The following CLMN variants were observed in gnomAD, a reference collection of about 807,000 sequenced individuals.
CLMN encodes calmin (calponin-like, transmembrane).
In CLMN, 57 loss-of-function variants were observed where a neutral mutation model predicts 92.7. The observed-to-expected ratio is 0.61, with a 90% CI of 0.50 to 0.77. The LOEUF is 0.77. Ranked by LOEUF, CLMN falls within the 30% of genes least tolerant of loss-of-function variation. The pLI, the probability that CLMN is intolerant of heterozygous loss-of-function variation, is 0.00. For missense variants in CLMN, 1,158 were observed against 1,237.5 expected (o/e 0.94, Z 0.96); for synonymous variants, 466 against 470.6 (o/e 0.99, Z 0.13).
At chr14:95,224,320 G>A (rs1276718032) in intron 2 of CLMN, among the ~76,000 whole-genome samples, 1 of 151,790 alleles carries the variant, frequency 6.6e-6, no homozygotes, top group Non-Finnish European at 1.5e-5. Flanking sequence ...ACGCTCTGTC[G>A]CCCAGGCTTA....
At chr14:95,243,581 G>T (rs1898341438) in intron 1 of CLMN, among the ~76,000 whole-genome samples, 1 of 151,428 alleles carries the variant, frequency 6.6e-6, no homozygotes, top group Non-Finnish European at 1.5e-5. Flanking sequence ...TTTGTTTGAA[G>T]AATCCAGGGG....
intron 1 of CLMN, among the ~76,000 whole-genome samples, chr14:95,266,399 T>C (rs758475812): frequency 1.3e-5 from 2 of 152,356 alleles, no homozygotes; most frequent in Non-Finnish European, 2.9e-5. Flanking sequence ...AGCATTTATA[T>C]GACGAAAGCA....
At chr14:95,260,602 G>A (rs1039199116) in intron 1 of CLMN, 7 of 152,310 alleles carry the variant, frequency 4.6e-5, no homozygotes, top group Middle Eastern at 6.8e-3. Context: ...ATAACAGAAG[G>A]CTTGTGGGAA....
At chr14:95,276,691 G>A (rs1401574610) in intron 1 of CLMN, among the ~76,000 whole-genome samples, 1 of 152,126 alleles carries the variant, frequency 6.6e-6, no homozygotes, top group Non-Finnish European at 1.5e-5. Flanking sequence ...ACCACATGTT[G>A]AAACTCCTGG....
intron 1 of CLMN, among the ~76,000 whole-genome samples, chr14:95,280,945 C>T (rs1414565919): frequency 5.3e-5 from 8 of 152,190 alleles, no homozygotes; most frequent in African/African-American, 1.9e-4. Context: ...TTGTCATCCA[C>T]AGACAATTGT....
At chr14:95,307,315 G>A (rs1291817294) in intron 1 of CLMN, among the ~76,000 whole-genome samples, 1 of 152,186 alleles carries the variant, frequency 6.6e-6, no homozygotes, top group South Asian at 2.1e-4. Flanking sequence ...TCACAGGGGT[G>A]GCCAGGGCAG....
intron 9 of CLMN, among the ~76,000 whole-genome samples, chr14:95,199,802 T>G (rs932918989): frequency 1.3e-5 from 2 of 150,962 alleles, no homozygotes; most frequent in African/African-American, 2.4e-5. Flanking sequence ...CTTGCCCAGA[T>G]GGTGGGACCA....
In CLMN at chr14:95,294,734, T is replaced by C. The variant is rs1353508726; in HGVS notation, c.82+24977A>G. ...GTCCTGGGGGCAGGTCCTCCACAGG[T>C]TGTGTCACTGGGCACCTGGTCTTCT... On this transcript the variant is annotated intron_variant, in intron 1 of 12. Transcript: ENST00000298912. The surrounding 1 kb of genome is among the most constrained non-coding windows in gnomAD (Gnocchi z 4.2). Among the ~76,000 whole-genome samples, 1 of 152,210 alleles carries C rather than the reference T, an allele frequency of 6.6e-6. No individual in the cohort carries two copies. Among genetic ancestry groups the C allele is most frequent in the Non-Finnish European group, 1.5e-5 (1 of 68,038 alleles).
intron 1 of CLMN, among the ~76,000 whole-genome samples, chr14:95,245,238 T>TAA (rs1298554368): frequency 6.4e-4 from 18 of 28,178 alleles, no homozygotes; most frequent in South Asian, 2.1e-3. Context: ...TATATATATA[T>TAA]TATATATATA....
At chr14:95,245,720 ATAGG>A (rs1898534317) in intron 1 of CLMN, among the ~76,000 whole-genome samples, 1 of 148,678 alleles carries the variant, frequency 6.7e-6, no homozygotes. Flanking sequence ...GGATGGATGG[ATAGG>A]TGGATGGATA....
Position 95,191,579 on chromosome 14 carries a change from A to T in CLMN, c.2994T>A (p.Asp998Glu), listed in dbSNP as rs775652895. Residue 998 changes from aspartate to glutamate, a missense_variant, in exon 13 of 13, where the codon GAT (aspartate) becomes GAA (glutamate). Physicochemically the swap from Asp to Glu is conservative, Grantham distance 45 (BLOSUM62 2). Coordinates refer to ENST00000298912, the MANE Select transcript of CLMN (RefSeq NM_024734.4). This position sits in a 1 kb window ranked among gnomAD's most constrained non-coding sequence, Gnocchi z 5.3. Reference sequence around the variant, plus strand: ...GACACACGTATCAGAGCCTGCTAACATCCAGTTGTGGGAAGAGCAGCAAGC... The same window carrying T: ...GACACACGTATCAGAGCCTGCTAACTTCCAGTTGTGGGAAGAGCAGCAAGC... ...VYCLLLFPQL[D>E]VSRL 5 of 1,612,930 alleles carry T rather than the reference A, an allele frequency of 3.1e-6. No individual in the cohort carries two copies. In the East Asian group the frequency reaches 1.1e-4, roughly 36 times the overall value.
At chr14:95,272,703 C>T (rs2140724368) in intron 1 of CLMN, among the ~76,000 whole-genome samples, 1 of 152,310 alleles carries the variant, frequency 6.6e-6, no homozygotes, top group African/African-American at 2.4e-5. Flanking sequence ...TGCTAAGAAG[C>T]AAGGTGGCCC....
intron 1 of CLMN, among the ~76,000 whole-genome samples, chr14:95,303,396 A>G (rs1046558028): frequency 6.6e-6 from 1 of 152,150 alleles, no homozygotes; most frequent in African/African-American, 2.4e-5. Context: ...AATTAACCCC[A>G]CGCCCACCCC....
chr14:95,317,599 G>GAA (rs371392935), intron 1 of CLMN, among the ~76,000 whole-genome samples: 6 of 131,608 alleles, frequency 4.6e-5, no homozygotes, highest in African/African-American at 8.7e-5. Flanking sequence ...ACAATGCTGG[G>GAA]AAAAAAAAAA....
chr14:95,203,765 TG>T lies in CLMN; in HGVS notation c.1583del (p.Pro528GlnfsTer6). 2 of 1,614,158 alleles carry T rather than the reference TG, an allele frequency of 1.2e-6. No individual in the cohort carries two copies. The highest frequency in any genetic ancestry group is 1.7e-6 in the Non-Finnish European group (2 of 1,180,000). ...AATCGGCCATCACAGTATTTTCTCC[TG>T]GGGGTGAAAGAGAGTGACTTTCTTC... ...HDEESHSLSPPGENTVMADSF... is the reference protein window; with the variant it reads ...HDEESHSLSPXGENTVMADSF... On this transcript the variant is annotated frameshift_variant, in exon 9 of 13. Coordinates refer to ENST00000298912, the MANE Select transcript of CLMN (RefSeq NM_024734.4). LOFTEE classifies it high-confidence loss of function.
chr14:95,270,576 C>G (rs1204713836), intron 1 of CLMN, among the ~76,000 whole-genome samples: 4 of 152,106 alleles, frequency 2.6e-5, no homozygotes, highest in Non-Finnish European at 5.9e-5. Flanking sequence ...ATAATGTTTT[C>G]AAGGTTCATC....
In CLMN at chr14:95,183,922, T is replaced by G. The variant is rs572908694; in HGVS notation, c.*7642A>C. The G allele has an allele frequency of 4.6e-5, 7 of 152,212 alleles. No individual in the cohort carries two copies. The highest frequency in any genetic ancestry group is 1.7e-4 in the African/African-American group (7 of 41,530). The allele number at this position is 152,212 out of a possible 1,614,324, so 9.4% of individuals were successfully genotyped here. A position where few individuals can be genotyped will look rare whatever the true frequency, so the allele number is the denominator to read the frequency against. On this transcript the variant is annotated 3_prime_UTR_variant, in exon 13 of 13. Transcript: ENST00000298912. The stretch of plus-strand genomic sequence containing the variant: ...TCTAAGGGTCAAGTGAGTTAATGAG[T>G]AAACAATGGCTTAAACTTCCTCTTG...
intron 1 of CLMN, among the ~76,000 whole-genome samples, chr14:95,280,947 G>C (rs1267614084): frequency 6.6e-6 from 1 of 152,102 alleles, no homozygotes; most frequent in Non-Finnish European, 1.5e-5. Flanking sequence ...GTCATCCACA[G>C]ACAATTGTTA....
rs1190811127 is a variant in CLMN at position 95,186,614 on chromosome 14, G to A, written c.*4950C>T. On this transcript the variant is annotated 3_prime_UTR_variant, in exon 13 of 13. Transcript: ENST00000298912. Reference sequence around the variant, plus strand: ...AGCGTCTCGCTCTGTCACTCAGGTGGAGTAAAATAGCAGGATCATAGCTCA... The same window carrying A: ...AGCGTCTCGCTCTGTCACTCAGGTGAAGTAAAATAGCAGGATCATAGCTCA... The A allele has an allele frequency of 6.6e-6, 1 of 152,262 alleles. No homozygotes were observed. The highest frequency in any genetic ancestry group is 1.5e-5 in the Non-Finnish European group (1 of 68,082). 9.4% of individuals were successfully genotyped at this position (152,262 alleles called of 1,614,324 possible).
Sources: allele counts gnomAD v4.1 joint callset (sites outside exome capture counted in the v4.1 genomes callset), GRCh38; gene constraint gnomAD v4.1.1; non-coding constraint Gnocchi (gnomAD v3.1); transcripts MANE v1.5; gene names NCBI Gene and HGNC (gene_info 2026-07-23, HGNC 2026-07-21).